Variants in PLEKHB2 observed in about 807,000 individuals in gnomAD.
PLEKHB2 encodes pleckstrin homology domain-containing family B member 2.
In PLEKHB2, 31 loss-of-function variants were observed where a neutral mutation model predicts 36.5. The ratio of observed to expected loss-of-function variants is 0.85; its 90% CI spans 0.64 to 1.15. The LOEUF (loss-of-function observed/expected upper bound fraction) is 1.15. Ranked by LOEUF, PLEKHB2 falls within the 50% of genes most tolerant of loss-of-function variation. PLEKHB2 has a pLI of 0.00. For synonymous variants in PLEKHB2, 119 were observed against 112.0 expected, an observed-to-expected ratio of 1.06 and a Z score of -0.39; for missense variants, 262 against 295.3, an observed-to-expected ratio of 0.89 and a Z score of 0.83.
intron 4 of PLEKHB2, among the ~76,000 whole-genome samples, chr2:131,128,796 G>A (rs1697348148): frequency 6.6e-6 from 1 of 152,190 alleles, no homozygotes; most frequent in African/African-American, 2.4e-5. Flanking sequence ...TCCATAAAGT[G>A]TACAACCCAA....
At chr2:131,113,930 C>G (rs1695589551) in intron 1 of PLEKHB2, among the ~76,000 whole-genome samples, 1 of 152,070 alleles carries the variant, frequency 6.6e-6, no homozygotes, top group Admixed American at 6.6e-5. Context: ...TTCTCTCTTA[C>G]CCCCAATTTC....
At chr2:131,123,840 G>A (rs1282609247) in intron 2 of PLEKHB2, among the ~76,000 whole-genome samples, 2 of 124,310 alleles carry the variant, frequency 1.6e-5, no homozygotes, top group African/African-American at 6.4e-5. Flanking sequence ...GAGCCACTGT[G>A]CCTGGCTTTT....
chr2:131,117,796 T>C (rs921600370), intron 1 of PLEKHB2, among the ~76,000 whole-genome samples: 4 of 152,222 alleles, frequency 2.6e-5, no homozygotes, highest in African/African-American at 9.6e-5. Flanking sequence ...CCTTTTTGTT[T>C]CGCCTGTTTC....
At chr2:131,141,440 C>T (rs1431235010) in intron 7 of PLEKHB2, among the ~76,000 whole-genome samples, 1 of 151,820 alleles carries the variant, frequency 6.6e-6, no homozygotes, top group Non-Finnish European at 1.5e-5. Flanking sequence ...GAGATCGAGA[C>T]CATCCTGGCT....
intron 7 of PLEKHB2, among the ~76,000 whole-genome samples, chr2:131,141,369 G>A (rs1698761767): frequency 2.6e-5 from 4 of 152,114 alleles, no homozygotes. Context: ...TCCGGGCACG[G>A]TGGCTCACGC....
At chr2:131,121,498 T>C (rs988317122) in intron 2 of PLEKHB2, among the ~76,000 whole-genome samples, 1 of 152,086 alleles carries the variant, frequency 6.6e-6, no homozygotes, top group Admixed American at 6.6e-5. Context: ...TCTGCCCACC[T>C]GGGTTCCCAA....
At chr2:131,135,276 C>A (rs1396748864) in intron 6 of PLEKHB2, among the ~76,000 whole-genome samples, 2 of 152,078 alleles carry the variant, frequency 1.3e-5, no homozygotes, top group African/African-American at 2.4e-5. Context: ...CCATGATGGC[C>A]AGGCTAGTTT....
At chr2:131,106,881 T>TCAGA (rs1694790783) in intron 1 of PLEKHB2, among the ~76,000 whole-genome samples, 2 of 152,208 alleles carry the variant, frequency 1.3e-5, no homozygotes, top group South Asian at 4.1e-4. Context: ...AGAAAAGAAC[T>TCAGA]CAGAACCTGA....
In PLEKHB2 at chr2:131,148,848, C is replaced by T. The variant is rs149446967; in HGVS notation, c.*2075C>T. On this transcript the variant is annotated 3_prime_UTR_variant, in exon 8 of 8. Transcript: ENST00000693505. ...AGAATGGCTTTCTTCAGATTATAAT[C>T]GTTATTAAAGCTGTATGTACACTTT... 4 of 152,300 alleles carry T rather than the reference C, an allele frequency of 2.6e-5. No individual in the cohort carries two copies. The highest frequency in any genetic ancestry group is 7.2e-5 in the African/African-American group (3 of 41,580). The allele number at this position is 152,300 out of a possible 1,614,324, so 9.4% of individuals were successfully genotyped here.
chr2:131,145,134 T>C (rs993137891), intron 7 of PLEKHB2, among the ~76,000 whole-genome samples: 1 of 152,158 alleles, frequency 6.6e-6, no homozygotes. Flanking sequence ...AGTGCCTGGG[T>C]TTGTGTGCCC....
chr2:131,134,892 T>C (rs944852226), intron 6 of PLEKHB2, among the ~76,000 whole-genome samples: 1 of 152,248 alleles, frequency 6.6e-6, no homozygotes, highest in Admixed American at 6.5e-5. Flanking sequence ...TTGATTTTTT[T>C]CATCAGCATT....
intron 1 of PLEKHB2, among the ~76,000 whole-genome samples, chr2:131,108,952 G>A (rs979669454): frequency 3.9e-5 from 6 of 152,280 alleles, no homozygotes; most frequent in East Asian, 3.9e-4. Context: ...GCTTGGAAAC[G>A]TGACTTGTCC....
chr2:131,143,182 C>T lies in PLEKHB2; in HGVS notation c.532+2907C>T, dbSNP rs745929212. Among the ~76,000 whole-genome samples the T allele has an allele frequency of 5.1e-4, 77 of 152,152 alleles. 1 individual carries two copies. Among genetic ancestry groups the T allele is most frequent in the Non-Finnish European group, 9.0e-4 (61 of 68,022 alleles). ...AAGCTATGATGTTCGGTAGGTTAGG[C>T]GTATTAAATGCATTTTGACTATGAT... On this transcript the variant is annotated intron_variant, in intron 7 of 7. Coordinates refer to ENST00000693505, the MANE Select transcript of PLEKHB2 (RefSeq NM_001100623.2).
At chr2:131,140,927 C>G (rs944789765) in intron 7 of PLEKHB2, among the ~76,000 whole-genome samples, 2 of 152,184 alleles carry the variant, frequency 1.3e-5, no homozygotes, top group African/African-American at 4.8e-5. Context: ...GGGCACAGCA[C>G]CATAGTGCAG....
chr2:131,131,037 C>A (rs1365857461), intron 5 of PLEKHB2, among the ~76,000 whole-genome samples: 2 of 152,226 alleles, frequency 1.3e-5, no homozygotes, highest in Non-Finnish European at 2.9e-5. Flanking sequence ...GATCCTCCCA[C>A]TTTCGCCTCC....
chr2:131,133,764 TTTTATCATTTCAACA>T (rs1697955343), intron 6 of PLEKHB2, among the ~76,000 whole-genome samples: 1 of 152,246 alleles, frequency 6.6e-6, no homozygotes, highest in Non-Finnish European at 1.5e-5. Flanking sequence ...AGCTCTATAG[TTTTATCATTTCAACA>T]ATGTCATATA....
rs1228491816 is a variant in PLEKHB2, at chr2:131,140,253, GC to G, written c.513del (p.Tyr172ThrfsTer44). On this transcript the variant is annotated frameshift_variant, in exon 7 of 8. Coordinates refer to ENST00000693505, the MANE Select transcript of PLEKHB2 (RefSeq NM_001100623.2). LOFTEE classifies it high-confidence loss of function. The part of the protein sequence containing the change: ...YAANGQAYAV[P>X]YQYPYAGLYG... ...CTGCGAATGGGCAGGCGTATGCCGTGCCCTACCAGTACCCATATGCAGGTAA... is the reference window on the plus strand; with the variant it reads ...CTGCGAATGGGCAGGCGTATGCCGTGCCTACCAGTACCCATATGCAGGTAA... 1 of 1,606,936 alleles carries G rather than the reference GC, an allele frequency of 6.2e-7. No individual in the cohort carries two copies. Among genetic ancestry groups the G allele is most frequent in the Non-Finnish European group, 8.5e-7 (1 of 1,173,902 alleles).
At position 131,148,237 on chromosome 2, in the gene PLEKHB2, T is replaced by A. The variant is rs1699441780; in HGVS notation, c.*1464T>A. On this transcript the variant is annotated 3_prime_UTR_variant, in exon 8 of 8. Transcript: ENST00000693505. ...TTTGCTTTTGTTCTTGATCTCTTTG[T>A]GATAGAGAAGCTTAGAACATTGAAT... 1.3e-5 allele frequency: 2 copies of A among 152,218 alleles called. No homozygotes were observed. The highest frequency in any genetic ancestry group is 2.9e-5 in the Non-Finnish European group (2 of 68,034). The allele number at this position is 152,218 out of a possible 1,614,324, so 9.4% of individuals were successfully genotyped here.
chr2:131,138,245 TTATA>T (rs1449126370), intron 6 of PLEKHB2, among the ~76,000 whole-genome samples: 1 of 152,082 alleles, frequency 6.6e-6, no homozygotes, highest in African/African-American at 2.4e-5. Flanking sequence ...ATGTATGTCT[TTATA>T]TACTTTTTAC....
Sources: allele counts gnomAD v4.1 joint callset (sites outside exome capture counted in the v4.1 genomes callset), GRCh38; gene constraint gnomAD v4.1.1; transcripts MANE v1.5; gene names NCBI Gene and HGNC (gene_info 2026-07-23, HGNC 2026-07-21).